KIF13A: variants seen among roughly 807,000 people sequenced by gnomAD.
KIF13A encodes kinesin family member 13A.
Under a neutral mutation model 212.2 loss-of-function variants are expected in KIF13A, and 79 were observed. That is an observed-to-expected ratio of 0.37 (90% CI 0.31 to 0.45). KIF13A has a LOEUF of 0.45. Ranked by LOEUF, KIF13A falls within the 20% of genes least tolerant of loss-of-function variation. The pLI is 1.00. For missense variants in KIF13A, 1,901 were observed against 2,209.0 expected, an observed-to-expected ratio of 0.86 and a Z score of 2.79; for synonymous variants, 789 against 808.6, an observed-to-expected ratio of 0.98 and a Z score of 0.41.
chr6:17,771,314 A>G lies in KIF13A; in HGVS notation c.4477-96T>C, dbSNP rs1759476740. The G allele has an allele frequency of 2.7e-6, 2 of 750,336 alleles. No homozygotes were observed. Among genetic ancestry groups the G allele is most frequent in the Non-Finnish European group, 4.6e-6 (2 of 434,910 alleles). The allele number at this position is 750,336 out of a possible 1,614,324, so 46.5% of individuals were successfully genotyped here. Reference sequence around the variant, plus strand: ...TGCAAGTTAGAAAAGCAATGCTAACACTCTTATTACATGTGAGTAATGCAG... The same window carrying G: ...TGCAAGTTAGAAAAGCAATGCTAACGCTCTTATTACATGTGAGTAATGCAG... On this transcript the variant is annotated intron_variant, in intron 37 of 38. Coordinates refer to ENST00000259711, the MANE Select transcript of KIF13A (RefSeq NM_022113.6). This position sits in a 1 kb window ranked among gnomAD's most constrained non-coding sequence, Gnocchi z 5.4.
At position 17,789,931 on chromosome 6, in the gene KIF13A, C is replaced by T. The variant is rs759510643; in HGVS notation, c.3223-21G>A. 1 of 1,606,742 alleles carries T rather than the reference C, an allele frequency of 6.2e-7. No homozygotes were observed. The highest frequency in any genetic ancestry group is 1.7e-5 in the Admixed American group (1 of 59,750). On this transcript the variant is annotated intron_variant, in intron 25 of 38. Transcript: ENST00000259711. The surrounding 1 kb of genome is among the most constrained non-coding windows in gnomAD (Gnocchi z 4.8). ...TCTCTCTGGTAGGAAAAAATAAACA[C>T]AAAGGACAAGCATTTTGTTTTTCAA... is the stretch of plus-strand genomic sequence containing the variant.
At position 17,773,732 on chromosome 6, in the gene KIF13A, C is replaced by G; in HGVS notation, c.4219-149G>C. The stretch of plus-strand genomic sequence containing the variant: ...ATTTATTTCAAATATACAGAAAGGG[C>G]TGAATATCGTAAAAAATACTGTCAT... On this transcript the variant is annotated intron_variant, in intron 35 of 38. Transcript: ENST00000259711. This position sits in a 1 kb window ranked among gnomAD's most constrained non-coding sequence, Gnocchi z 4.2. The G allele has an allele frequency of 2.1e-6, 1 of 483,382 alleles. No homozygotes were observed. The highest frequency in any genetic ancestry group is 4.5e-5 in the South Asian group (1 of 22,338). 29.9% of individuals were successfully genotyped at this position (483,382 alleles called of 1,614,324 possible). A position where few individuals can be genotyped will look rare whatever the true frequency, so the allele number is the denominator to read the frequency against.
intron 2 of KIF13A, among the ~76,000 whole-genome samples, chr6:17,903,823 G>A (rs1773257935): frequency 6.6e-6 from 1 of 152,090 alleles, no homozygotes; most frequent in Non-Finnish European, 1.5e-5. Flanking sequence ...TAGAGTAAAT[G>A]GGGGGAGCGG....
At chr6:17,931,152 T>A (rs1232118139) in intron 2 of KIF13A, among the ~76,000 whole-genome samples, 1 of 152,240 alleles carries the variant, frequency 6.6e-6, no homozygotes, top group Non-Finnish European at 1.5e-5. Flanking sequence ...CATAATAAAG[T>A]GCTATTTCTA....
chr6:17,981,300 A>G (rs928984129), intron 2 of KIF13A, among the ~76,000 whole-genome samples: 2 of 152,124 alleles, frequency 1.3e-5, no homozygotes, highest in East Asian at 1.9e-4. Flanking sequence ...CCTTTGAAAT[A>G]TACATATCCA....
intron 12 of KIF13A, among the ~76,000 whole-genome samples, chr6:17,832,457 T>G (rs1362118696): frequency 6.6e-6 from 1 of 151,676 alleles, no homozygotes; most frequent in East Asian, 1.9e-4. Flanking sequence ...GCCAACATGG[T>G]GAATCCCTGA....
At position 17,963,418 on chromosome 6, in the gene KIF13A, CA is replaced by C. The variant is rs199994802; in HGVS notation, c.146+23635del. On this transcript the variant is annotated intron_variant, in intron 2 of 38. Coordinates refer to ENST00000259711, the MANE Select transcript of KIF13A (RefSeq NM_022113.6). This position sits in a 1 kb window ranked among gnomAD's most constrained non-coding sequence, Gnocchi z 4.1. ...GGGCAACAAGAGCAAAACTCCAACT[CA>C]AAAAAAATAAATAAATAAAAATAGA... 1.5e-4 allele frequency among the ~76,000 whole-genome samples: 22 copies of C among 150,516 alleles called. No individual in the cohort carries two copies. Among genetic ancestry groups the C allele is most frequent in the Admixed American group, 1.3e-3 (19 of 15,098 alleles).
At chr6:17,870,187 C>G (rs1033324816) in intron 4 of KIF13A, among the ~76,000 whole-genome samples, 2 of 152,166 alleles carry the variant, frequency 1.3e-5, no homozygotes, top group African/African-American at 4.8e-5. Context: ...ATGGGAATAT[C>G]TGAAGAATAA....
chr6:17,976,626 G>A (rs1257679891), intron 2 of KIF13A, among the ~76,000 whole-genome samples: 4 of 152,306 alleles, frequency 2.6e-5, no homozygotes, highest in Middle Eastern at 3.4e-3. Context: ...AGCCCAGAAA[G>A]GGGATCCCAC....
At position 17,912,367 on chromosome 6, in the gene KIF13A, T is replaced by C. The variant is rs887293626; in HGVS notation, c.147-14187A>G. Among the ~76,000 whole-genome samples, 34 of 152,162 alleles carry C rather than the reference T, an allele frequency of 2.2e-4. No individual in the cohort carries two copies. Among genetic ancestry groups the C allele is most frequent in the Non-Finnish European group, 4.4e-4 (30 of 68,026 alleles). On this transcript the variant is annotated intron_variant, in intron 2 of 38. Coordinates refer to ENST00000259711, the MANE Select transcript of KIF13A (RefSeq NM_022113.6). This position sits in a 1 kb window ranked among gnomAD's most constrained non-coding sequence, Gnocchi z 4.2. ...CCCCTTCTGGGAAAGAAACCCAGGT[T>C]CAGTTCTATCACCCAAACTGGGAGT...
At chr6:17,969,935 T>C (rs1432157122) in intron 2 of KIF13A, among the ~76,000 whole-genome samples, 1 of 152,098 alleles carries the variant, frequency 6.6e-6, no homozygotes, top group Non-Finnish European at 1.5e-5. Flanking sequence ...TTCTTTTTTT[T>C]TTTTTGAGAC....
In KIF13A at chr6:17,839,801, T is replaced by C. The variant is rs1246799450; in HGVS notation, c.831-2218A>G. ...TCTACAAGACAGGGAACGCCGAGGATTGATGGCCCTACAGAAACAAGGGGA... is the reference window on the plus strand; with the variant it reads ...TCTACAAGACAGGGAACGCCGAGGACTGATGGCCCTACAGAAACAAGGGGA... On this transcript the variant is annotated intron_variant, in intron 9 of 38. Transcript: ENST00000259711. This position sits in a 1 kb window ranked among gnomAD's most constrained non-coding sequence, Gnocchi z 4.3. 6.6e-6 allele frequency among the ~76,000 whole-genome samples: 1 copy of C among 151,972 alleles called. No homozygotes were observed. The highest frequency in any genetic ancestry group is 1.5e-5 in the Non-Finnish European group (1 of 67,982).
At chr6:17,920,577 G>A (rs1325685816) in intron 2 of KIF13A, among the ~76,000 whole-genome samples, 2 of 152,086 alleles carry the variant, frequency 1.3e-5, no homozygotes, top group African/African-American at 4.8e-5. Flanking sequence ...CTACTTTCAT[G>A]TAAAAGTAAT....
chr6:17,808,279 G>C (rs1289957522), intron 18 of KIF13A, among the ~76,000 whole-genome samples: 1 of 152,212 alleles, frequency 6.6e-6, no homozygotes. Context: ...CCAGCTACTC[G>C]GGAGGTTGAG....
intron 3 of KIF13A, among the ~76,000 whole-genome samples, chr6:17,890,237 A>G (rs1335413138): frequency 1.3e-5 from 2 of 151,558 alleles, no homozygotes; most frequent in Non-Finnish European, 2.9e-5. Context: ...CTAACTTGGG[A>G]CATAGAAGGT....
At chr6:17,986,564 C>T (rs1010047391) in intron 2 of KIF13A, among the ~76,000 whole-genome samples, 7 of 152,262 alleles carry the variant, frequency 4.6e-5, no homozygotes, top group African/African-American at 1.7e-4. Context: ...GAGTCTACAT[C>T]GTACAAGACT....
rs1447468499 is a variant in KIF13A, at chr6:17,771,930, G to T, written c.4454C>A (p.Ala1485Glu). 6.2e-7 allele frequency: 1 copy of T among 1,614,016 alleles called. No homozygotes were observed. Among genetic ancestry groups the T allele is most frequent in the African/African-American group, 1.3e-5 (1 of 75,058 alleles). ...TACCTCCTGGCTTAGAAGAGGCCTT[G>T]CTTCCAGGGCTATCCTTTTCTTATG... ...EEHKKRIALE[A>E]RPLLSQESMP... Residue 1485 changes from alanine to glutamate, a missense_variant, in exon 37 of 39, where the codon GCA becomes GAA. Physicochemically the swap from Ala to Glu is moderately radical, Grantham distance 107 (BLOSUM62 -1). Around this residue, in one of 5 missense-constraint regions of KIF13A, gnomAD observed 687 missense variants for 759.1 expected, o/e 0.90. Transcript: ENST00000259711. This position sits in a 1 kb window ranked among gnomAD's most constrained non-coding sequence, Gnocchi z 5.4.
In KIF13A at chr6:17,951,475, A is replaced by G. The variant is rs1777841436; in HGVS notation, c.146+35579T>C. The G allele has an allele frequency of 4.0e-6, 2 of 499,212 alleles. No individual in the cohort carries two copies. Among genetic ancestry groups the G allele is most frequent in the South Asian group, 6.1e-5 (2 of 32,692 alleles). 30.9% of individuals were successfully genotyped at this position (499,212 alleles called of 1,614,324 possible). Reference sequence around the variant, plus strand: ...AAAACAGCTTTAAGATATAATTTATATACCATACAATTTACCCACTAAAAG... The same window carrying G: ...AAAACAGCTTTAAGATATAATTTATGTACCATACAATTTACCCACTAAAAG... On this transcript the variant is annotated intron_variant, in intron 2 of 38. Transcript: ENST00000259711. This position sits in a 1 kb window ranked among gnomAD's most constrained non-coding sequence, Gnocchi z 4.9.
intron 2 of KIF13A, among the ~76,000 whole-genome samples, chr6:17,946,275 A>G (rs748258314): frequency 3.3e-5 from 5 of 152,156 alleles, no homozygotes; most frequent in African/African-American, 7.2e-5. Context: ...ATCCATCTTA[A>G]AAGTAAAGGG....
Sources: gnomAD v4.1 joint callset for allele counts (sites outside exome capture counted in the v4.1 genomes callset) on GRCh38, gnomAD v4.1.1 for gene constraint, gnomAD v4.1.1 regional missense constraint, Gnocchi (gnomAD v3.1) non-coding constraint, MANE v1.5 for transcripts, NCBI Gene and HGNC (gene_info 2026-07-23, HGNC 2026-07-21) for gene names.